Variants in FER observed in about 807,000 individuals in gnomAD.
The protein encoded by FER is FER tyrosine kinase, also known as tyrosine-protein kinase Fer.
Under a neutral mutation model 111.0 loss-of-function variants are expected in FER, and 63 were observed. That is an observed-to-expected ratio of 0.57 (90% CI 0.46 to 0.70). The LOEUF (loss-of-function observed/expected upper bound fraction) is 0.70, where lower values mean the gene tolerates loss of function less well. FER is among the 30% of genes least tolerant of loss of function. The pLI, the probability that FER is intolerant of heterozygous loss-of-function variation, is 0.00. For synonymous variants in FER, 327 were observed against 313.9 expected (o/e 1.04, Z -0.44); for missense variants, 914 against 954.0 (o/e 0.96, Z 0.55).
chr5:108,925,140 GAT>G (rs1259318081), intron 10 of FER, among the ~76,000 whole-genome samples: 2 of 150,632 alleles, frequency 1.3e-5, no homozygotes, highest in African/African-American at 4.9e-5. Context: ...ACATGGCTCA[GAT>G]TTTAAACTGA....
chr5:108,759,005 G>T (rs374738891), intron 1 of FER, among the ~76,000 whole-genome samples: 31 of 152,244 alleles, frequency 2.0e-4, no homozygotes, highest in African/African-American at 6.5e-4. Flanking sequence ...ACAACTAAGA[G>T]ATTTGTTTAA....
chr5:109,192,723 A>G lies in FER; in HGVS notation c.*5148A>G, dbSNP rs1000843487. 18 of 152,246 alleles carry G rather than the reference A, an allele frequency of 1.2e-4. No homozygotes were observed. The highest frequency in any genetic ancestry group is 4.1e-4 in the African/African-American group (17 of 41,550). The allele number at this position is 152,246 out of a possible 1,614,324, so 9.4% of individuals were successfully genotyped here. ...ATGGGACTACACTTAGATCCGCCCTATTTCACCTTTGGACTAACGTTGACT... is the reference window on the plus strand; with the variant it reads ...ATGGGACTACACTTAGATCCGCCCTGTTTCACCTTTGGACTAACGTTGACT... On this transcript the variant is annotated 3_prime_UTR_variant, in exon 20 of 20. Transcript: ENST00000281092.
intron 13 of FER, among the ~76,000 whole-genome samples, chr5:108,985,073 A>G (rs1472667213): frequency 6.6e-6 from 1 of 152,120 alleles, no homozygotes; most frequent in Non-Finnish European, 1.5e-5. Flanking sequence ...AATTAAAACT[A>G]GTGCTTATCA....
chr5:109,078,668 A>G (rs1026066444), intron 16 of FER, among the ~76,000 whole-genome samples: 1 of 152,218 alleles, frequency 6.6e-6, no homozygotes, highest in Non-Finnish European at 1.5e-5. Flanking sequence ...CTAGTTACAC[A>G]TTTAGTAAAT....
At chr5:108,788,072 GCT>G (rs1203367019) in intron 2 of FER, among the ~76,000 whole-genome samples, 5 of 152,202 alleles carry the variant, frequency 3.3e-5, no homozygotes, top group Admixed American at 3.3e-4. Context: ...GGATTCCAGA[GCT>G]TGGGGCTACC....
intron 5 of FER, among the ~76,000 whole-genome samples, chr5:108,849,386 A>G (rs987803776): frequency 1.3e-5 from 2 of 151,910 alleles, no homozygotes; most frequent in Non-Finnish European, 1.5e-5. Flanking sequence ...TTCTATGACT[A>G]TGTCTAACAG....
chr5:108,969,570 T>C (rs1313279396), intron 13 of FER, among the ~76,000 whole-genome samples: 1 of 151,668 alleles, frequency 6.6e-6, no homozygotes, highest in African/African-American at 2.4e-5. Flanking sequence ...AAAGCAGAGG[T>C]TTAGGGGAAA....
chr5:108,805,848 A>T (rs777532267), intron 3 of FER, among the ~76,000 whole-genome samples: 20 of 152,244 alleles, frequency 1.3e-4, no homozygotes, highest in Non-Finnish European at 2.2e-4. Context: ...AGCAGAGCAT[A>T]AAAGTTTGGA....
At chr5:109,040,609 C>T (rs1295142510) in intron 14 of FER, among the ~76,000 whole-genome samples, 4 of 151,966 alleles carry the variant, frequency 2.6e-5, no homozygotes, top group Admixed American at 6.6e-5. Context: ...TTGAGAGGAA[C>T]GGGAGGAGAG....
intron 5 of FER, among the ~76,000 whole-genome samples, chr5:108,853,014 A>G (rs1762675405): frequency 6.6e-6 from 1 of 152,088 alleles, no homozygotes; most frequent in African/African-American, 2.4e-5. Context: ...CACATGAAAA[A>G]CTTAAGAGAA....
At chr5:108,819,753 A>T in intron 3 of FER, 2 of 975,942 alleles carry the variant, frequency 2.0e-6, no homozygotes, top group Non-Finnish European at 2.4e-6. Context: ...GAAAAAAAGC[A>T]TTTTTTTAAA....
chr5:108,969,662 T>C (rs1760372867), intron 13 of FER, among the ~76,000 whole-genome samples: 1 of 146,000 alleles, frequency 6.8e-6, no homozygotes, highest in Non-Finnish European at 1.5e-5. Flanking sequence ...GATTAAGAAA[T>C]ATTGAAAACA....
At chr5:108,754,170 G>A (rs1049062025) in intron 1 of FER, among the ~76,000 whole-genome samples, 5 of 152,028 alleles carry the variant, frequency 3.3e-5, no homozygotes, top group African/African-American at 1.2e-4. Flanking sequence ...CAGTATTTTG[G>A]GAGGCTGAAA....
At chr5:108,942,666 A>G (rs1016010156) in intron 10 of FER, among the ~76,000 whole-genome samples, 1 of 152,208 alleles carries the variant, frequency 6.6e-6, no homozygotes, top group Non-Finnish European at 1.5e-5. Flanking sequence ...CAGCATTTTC[A>G]AAACCTTAGG....
At chr5:108,814,558 T>C (rs1424176294) in intron 3 of FER, among the ~76,000 whole-genome samples, 1 of 152,212 alleles carries the variant, frequency 6.6e-6, no homozygotes, top group East Asian at 1.9e-4. Context: ...TTTGCAAGAA[T>C]TGATGTTATT....
intron 13 of FER, among the ~76,000 whole-genome samples, chr5:109,033,161 G>A (rs974144047): frequency 6.6e-6 from 1 of 152,178 alleles, no homozygotes; most frequent in African/African-American, 2.4e-5. Context: ...CCTGTGGACT[G>A]ATAAAGCTAC....
chr5:109,124,185 C>T (rs115079039), intron 17 of FER, among the ~76,000 whole-genome samples: 14,698 of 152,212 alleles, frequency 0.097, 939 homozygotes, highest in Non-Finnish European at 0.13. Flanking sequence ...CATGATTGTG[C>T]CACTGCACCC....
intron 9 of FER, among the ~76,000 whole-genome samples, chr5:108,885,574 A>G (rs187197246): frequency 6.6e-5 from 10 of 151,996 alleles, no homozygotes; most frequent in Non-Finnish European, 1.3e-4. Flanking sequence ...TCCAGACTGC[A>G]GACTGCTGTC....
intron 12 of FER, among the ~76,000 whole-genome samples, chr5:108,958,095 G>A (rs1235458545): frequency 6.6e-6 from 1 of 151,506 alleles, no homozygotes; most frequent in East Asian, 1.9e-4. Flanking sequence ...AAGTGTTAAA[G>A]TAAACTAATG....
Sources: gnomAD v4.1 joint callset for allele counts (sites outside exome capture counted in the v4.1 genomes callset) on GRCh38, gnomAD v4.1.1 for gene constraint, MANE v1.5 for transcripts, NCBI Gene and HGNC (gene_info 2026-07-23, HGNC 2026-07-21) for gene names.